SSH2: variants seen among roughly 807,000 people sequenced by gnomAD.
The protein encoded by SSH2 is protein phosphatase Slingshot homolog 2.
SSH2 carries 37 observed loss-of-function variants against 135.2 expected under a neutral mutation model. The ratio of observed to expected loss-of-function variants is 0.27; its 90% CI spans 0.21 to 0.36. The LOEUF is 0.36. SSH2 is among the 10% of genes least tolerant of loss of function. The pLI is 1.00. For synonymous variants in SSH2, 628 were observed against 646.2 expected (o/e 0.97, Z 0.43); for missense variants, 1,408 against 1,765.3 (o/e 0.80, Z 3.63).
intron 3 of SSH2, chr17:29,716,492 T>C (rs532857733): frequency 1.1e-4 from 81 of 708,642 alleles, no homozygotes; most frequent in Non-Finnish European, 1.7e-4. Flanking sequence ...CTGGTTAACA[T>C]TGTAGACTCC....
intron 3 of SSH2, among the ~76,000 whole-genome samples, chr17:29,709,052 A>AGAGAGAGAGAGAGAGAGAGAGAGC (rs1491229455): frequency 6.9e-6 from 1 of 144,602 alleles, no homozygotes; most frequent in African/African-American, 2.6e-5. Context: ...AGAGAGAGAG[A>AGAGAGAGAGAGAGAGAGAGAGAGC]GCTAATAATA....
chr17:29,820,960 T>A (rs1272085595), intron 2 of SSH2, among the ~76,000 whole-genome samples: 1 of 152,086 alleles, frequency 6.6e-6, no homozygotes, highest in Non-Finnish European at 1.5e-5. Flanking sequence ...TCCAGACACT[T>A]TCATTTCTCT....
At chr17:29,802,936 G>A (rs138440726) in intron 2 of SSH2, among the ~76,000 whole-genome samples, 143 of 152,284 alleles carry the variant, frequency 9.4e-4, no homozygotes, top group Middle Eastern at 3.4e-3. Context: ...TAAATGAATA[G>A]TAGGAGGTAT....
At chr17:29,785,491 A>AT (rs34346245) in intron 3 of SSH2, among the ~76,000 whole-genome samples, 4,237 of 78,258 alleles carry the variant, frequency 0.054, 142 homozygotes, top group Non-Finnish European at 0.061. Flanking sequence ...TTGGCGTTTC[A>AT]TTTTTTTTTT....
intron 3 of SSH2, among the ~76,000 whole-genome samples, chr17:29,786,125 T>C (rs886933576): frequency 2.0e-5 from 3 of 152,236 alleles, no homozygotes; most frequent in Non-Finnish European, 4.4e-5. Context: ...TATAGTTATT[T>C]TCCTGGCTAT....
At chr17:29,810,205 A>C (rs963647074) in intron 2 of SSH2, among the ~76,000 whole-genome samples, 8 of 139,702 alleles carry the variant, frequency 5.7e-5, no homozygotes, top group Admixed American at 2.9e-4. Context: ...CCCTGATTTA[A>C]AATACAAAAA....
intron 5 of SSH2, among the ~76,000 whole-genome samples, chr17:29,692,657 G>A (rs1282290067): frequency 6.6e-6 from 1 of 152,146 alleles, no homozygotes; most frequent in Non-Finnish European, 1.5e-5. Context: ...ATAAAGTGAT[G>A]TTAGATCTCT....
intron 3 of SSH2, among the ~76,000 whole-genome samples, chr17:29,747,974 C>T (rs995934439): frequency 1.3e-5 from 2 of 152,088 alleles, no homozygotes; most frequent in East Asian, 1.9e-4. Context: ...AGACACTTTC[C>T]AATTTCAGGA....
chr17:29,774,893 C>A (rs1374119453), intron 3 of SSH2, among the ~76,000 whole-genome samples: 1 of 152,156 alleles, frequency 6.6e-6, no homozygotes, highest in Non-Finnish European at 1.5e-5. Context: ...CCTTAACCAC[C>A]AGACCATTCC....
intron 3 of SSH2, among the ~76,000 whole-genome samples, chr17:29,756,335 A>G (rs2041120957): frequency 6.6e-6 from 1 of 151,514 alleles, no homozygotes; most frequent in Non-Finnish European, 1.5e-5. Context: ...CAATGGCACG[A>G]TCATAGCTCA....
At chr17:29,695,377 G>A in intron 5 of SSH2, 82 bp downstream of exon 5, 2 of 1,026,948 alleles carry the variant, frequency 1.9e-6, no homozygotes, top group Middle Eastern at 2.1e-4. Context: ...GCACTGTGTT[G>A]GGATGTAAAA....
At chr17:29,818,936 G>T (rs1399150703) in intron 2 of SSH2, among the ~76,000 whole-genome samples, 1 of 151,752 alleles carries the variant, frequency 6.6e-6, no homozygotes, top group Non-Finnish European at 1.5e-5. Flanking sequence ...TTTAAAAAAA[G>T]GCACCAGTGG....
intron 6 of SSH2, among the ~76,000 whole-genome samples, 162 bp downstream of exon 6, chr17:29,684,401 C>T (rs939924151): frequency 2.0e-5 from 3 of 150,924 alleles, no homozygotes; most frequent in African/African-American, 7.3e-5. Flanking sequence ...CGCTTGAACC[C>T]GGGAGGCGGA....
intron 11 of SSH2, among the ~76,000 whole-genome samples, chr17:29,662,558 C>T (rs1190394589): frequency 6.6e-6 from 1 of 152,094 alleles, no homozygotes. Context: ...TAAAATAATC[C>T]TTTCTATTAC....
chr17:29,873,048 G>A (rs1024352360), intron 1 of SSH2, among the ~76,000 whole-genome samples: 16 of 152,068 alleles, frequency 1.1e-4, no homozygotes, highest in Admixed American at 5.2e-4. Flanking sequence ...ATAGAACTCT[G>A]AAGTGCTTCA....
At chr17:29,671,003 T>C (rs563425489) in intron 9 of SSH2, among the ~76,000 whole-genome samples, 2 of 152,148 alleles carry the variant, frequency 1.3e-5, no homozygotes, top group South Asian at 4.2e-4. Context: ...ATTTCCAAAA[T>C]AGTCACAGAA....
At chr17:29,810,897 C>T (rs1300960359) in intron 2 of SSH2, among the ~76,000 whole-genome samples, 2 of 152,102 alleles carry the variant, frequency 1.3e-5, no homozygotes, top group Admixed American at 6.5e-5. Context: ...AACACAAATT[C>T]GTAAACTTTC....
chr17:29,674,222 C>T (rs1598770320), intron 8 of SSH2: 2 of 452,028 alleles, frequency 4.4e-6, no homozygotes, highest in East Asian at 7.0e-5. Context: ...ATGTGTCAGT[C>T]CATTTTTATT....
chr17:29,711,793 G>T (rs1030010101), intron 3 of SSH2, among the ~76,000 whole-genome samples: 3 of 152,106 alleles, frequency 2.0e-5, no homozygotes, highest in African/African-American at 2.4e-5. Context: ...CCCATTATTC[G>T]TACTGCTTTA....
Sources: allele counts gnomAD v4.1 joint callset (sites outside exome capture counted in the v4.1 genomes callset), GRCh38; gene constraint gnomAD v4.1.1; transcripts MANE v1.5; gene names NCBI Gene and HGNC (gene_info 2026-07-23, HGNC 2026-07-21).